Variants in PPM1H observed in about 807,000 individuals in gnomAD.
PPM1H encodes the protein protein phosphatase 1H.
Under a neutral mutation model 54.9 loss-of-function variants are expected in PPM1H, and 27 were observed. The observed-to-expected ratio is 0.49, with a 90% CI of 0.36 to 0.68. PPM1H has a LOEUF of 0.68. Among genes scored for constraint, PPM1H ranks in the 30% least tolerant of loss-of-function variants. The pLI is 0.00. For missense variants in PPM1H, 596 were observed against 667.8 expected, an observed-to-expected ratio of 0.89 and a Z score of 1.19; for synonymous variants, 305 against 270.8, an observed-to-expected ratio of 1.13 and a Z score of -1.24.
chr12:62,712,193 A>G (rs747157734), intron 6 of PPM1H, among the ~76,000 whole-genome samples: 7 of 152,176 alleles, frequency 4.6e-5, no homozygotes, highest in South Asian at 4.1e-4. Flanking sequence ...CAGGTGCCTA[A>G]TCCCTGGCCC....
intron 1 of PPM1H, among the ~76,000 whole-genome samples, chr12:62,835,319 C>A (rs1409268870): frequency 6.6e-6 from 1 of 152,250 alleles, no homozygotes; most frequent in African/African-American, 2.4e-5. Flanking sequence ...TCATTGCATG[C>A]ATATGAGAAA....
intron 1 of PPM1H, among the ~76,000 whole-genome samples, chr12:62,834,540 C>T (rs182691553): frequency 1.8e-4 from 27 of 152,178 alleles, no homozygotes; most frequent in African/African-American, 6.3e-4. Flanking sequence ...TGTGGGGAAG[C>T]ATAGAATAAA....
chr12:62,664,663 T>C (rs1358403056), intron 9 of PPM1H, among the ~76,000 whole-genome samples: 1 of 152,250 alleles, frequency 6.6e-6, no homozygotes, highest in Non-Finnish European at 1.5e-5. Context: ...AGTCAAGGTA[T>C]ATTTAAATAT....
intron 5 of PPM1H, among the ~76,000 whole-genome samples, chr12:62,730,911 A>G (rs1057415169): frequency 2.0e-5 from 3 of 152,226 alleles, no homozygotes; most frequent in African/African-American, 4.8e-5. Flanking sequence ...CAGGAATAGA[A>G]TATTTTGGTT....
intron 8 of PPM1H, among the ~76,000 whole-genome samples, chr12:62,676,119 G>A (rs1208825736): frequency 6.6e-6 from 1 of 152,196 alleles, no homozygotes. Flanking sequence ...AGCACCATAA[G>A]CTCTCACTCC....
chr12:62,800,539 T>C (rs2704761), intron 3 of PPM1H, among the ~76,000 whole-genome samples: 21,744 of 151,928 alleles, frequency 0.14, 2,259 homozygotes, highest in African/African-American at 0.3. Flanking sequence ...GGGTTGCACC[T>C]TATTCACCAG....
intron 1 of PPM1H, among the ~76,000 whole-genome samples, chr12:62,898,794 T>C (rs1023120284): frequency 2.0e-5 from 3 of 152,208 alleles, no homozygotes; most frequent in African/African-American, 4.8e-5. Flanking sequence ...ACTTCAAAAT[T>C]GATCATCTCT....
At position 62,746,701 on chromosome 12, in the gene PPM1H, T is replaced by A. The variant is rs187883743; in HGVS notation, c.870-9115A>T. ...AAGCAAAACTCAACTTACACTGTTG[T>A]GTGGTGTGGTTTCACCCTGCAGAAT... is the stretch of plus-strand genomic sequence containing the variant. On this transcript the variant is annotated intron_variant, in intron 4 of 9. Coordinates refer to ENST00000228705, the MANE Select transcript of PPM1H (RefSeq NM_020700.2). Among the ~76,000 whole-genome samples, 399 of 152,332 alleles carry A rather than the reference T, an allele frequency of 2.6e-3. 2 individuals are homozygous for A. The highest frequency in any genetic ancestry group is 4.1e-3 in the Non-Finnish European group (278 of 68,030).
rs148508859 is a variant in PPM1H, at chr12:62,917,816, A to C, written c.245+16676T>G. ...CTGTAAAGGGTGGGGAGAGCAGGATACTGTCCTCTAAGCAAGGGGATTAGT... is the reference window on the plus strand; with the variant it reads ...CTGTAAAGGGTGGGGAGAGCAGGATCCTGTCCTCTAAGCAAGGGGATTAGT... On this transcript the variant is annotated intron_variant, in intron 1 of 9. Transcript: ENST00000228705. 1.8e-3 allele frequency among the ~76,000 whole-genome samples: 277 copies of C among 152,178 alleles called. 3 individuals are homozygous for C. Among genetic ancestry groups the C allele is most frequent in the African/African-American group, 6.4e-3 (267 of 41,502 alleles).
At chr12:62,739,250 A>G (rs1392842750) in intron 4 of PPM1H, among the ~76,000 whole-genome samples, 3 of 152,160 alleles carry the variant, frequency 2.0e-5, no homozygotes, top group African/African-American at 7.2e-5. Flanking sequence ...TGCAATCACT[A>G]TTACCCCACC....
In PPM1H at chr12:62,893,119, A is replaced by G. The variant is rs568597011; in HGVS notation, c.245+41373T>C. 5.3e-5 allele frequency among the ~76,000 whole-genome samples: 8 copies of G among 152,316 alleles called. No individual in the cohort carries two copies. In the South Asian group the frequency reaches 1.2e-3, roughly 24 times the overall value. On this transcript the variant is annotated intron_variant, in intron 1 of 9. Coordinates refer to ENST00000228705, the MANE Select transcript of PPM1H (RefSeq NM_020700.2). Reference sequence around the variant, plus strand: ...TGCCTCTGAGCTAAGGATAGCTTTCATATTTTAAAAGAGTTTTAAAATAAG... The same window carrying G: ...TGCCTCTGAGCTAAGGATAGCTTTCGTATTTTAAAAGAGTTTTAAAATAAG...
intron 6 of PPM1H, among the ~76,000 whole-genome samples, chr12:62,715,959 T>TA (rs1434522231): frequency 1.3e-5 from 2 of 152,306 alleles, no homozygotes; most frequent in East Asian, 3.9e-4. Flanking sequence ...GGCCCCTGCT[T>TA]AAATGTACAC....
chr12:62,890,467 T>C (rs1870744462), intron 1 of PPM1H, among the ~76,000 whole-genome samples: 1 of 152,120 alleles, frequency 6.6e-6, no homozygotes, highest in Non-Finnish European at 1.5e-5. Flanking sequence ...TGCTTTCTGC[T>C]CAATTTTGTT....
At chr12:62,661,122 C>T (rs2075880643) in intron 9 of PPM1H, among the ~76,000 whole-genome samples, 1 of 152,152 alleles carries the variant, frequency 6.6e-6, no homozygotes, top group South Asian at 2.1e-4. Context: ...ACTGTTGGGT[C>T]CCAGAATGTG....
chr12:62,748,047 C>T (rs2076422236), intron 4 of PPM1H, among the ~76,000 whole-genome samples: 1 of 152,118 alleles, frequency 6.6e-6, no homozygotes, highest in Non-Finnish European at 1.5e-5. Context: ...GTAATGGTGT[C>T]CAGGAGTCCA....
At chr12:62,698,556 C>A (rs998665462) in intron 6 of PPM1H, among the ~76,000 whole-genome samples, 2 of 152,054 alleles carry the variant, frequency 1.3e-5, no homozygotes, top group African/African-American at 4.8e-5. Flanking sequence ...TGGTGGCCCT[C>A]TAGGGTCTTT....
chr12:62,932,987 A>G (rs1268816878), intron 1 of PPM1H, among the ~76,000 whole-genome samples: 1 of 151,984 alleles, frequency 6.6e-6, no homozygotes, highest in Non-Finnish European at 1.5e-5. Flanking sequence ...AGTGTTTGGT[A>G]TGTTTGGCAG....
intron 1 of PPM1H, among the ~76,000 whole-genome samples, chr12:62,849,305 G>T (rs954725599): frequency 6.6e-6 from 1 of 152,176 alleles, no homozygotes; most frequent in Non-Finnish European, 1.5e-5. Context: ...AATAACACTT[G>T]TAAATACTTG....
At chr12:62,903,028 T>G (rs758654300) in intron 1 of PPM1H, among the ~76,000 whole-genome samples, 1 of 152,112 alleles carries the variant, frequency 6.6e-6, no homozygotes, top group Non-Finnish European at 1.5e-5. Context: ...AAATTGCTGG[T>G]TTTTGGAGGA....
Sources: allele counts gnomAD v4.1 joint callset (sites outside exome capture counted in the v4.1 genomes callset), GRCh38; gene constraint gnomAD v4.1.1; transcripts MANE v1.5; gene names NCBI Gene and HGNC (gene_info 2026-07-23, HGNC 2026-07-21).